TUSC3: variants seen among roughly 807,000 people sequenced by gnomAD.
TUSC3 encodes the protein dolichyl-diphosphooligosaccharide--protein glycosyltransferase subunit TUSC3.
TUSC3 carries 45 observed loss-of-function variants against 44.8 expected under a neutral mutation model. The observed-to-expected ratio is 1.00, with a 90% CI of 0.79 to 1.29. The LOEUF (loss-of-function observed/expected upper bound fraction) is 1.29, where lower values mean the gene tolerates loss of function less well. TUSC3 is among the 50% of genes most tolerant of loss of function. The pLI is 0.00. For missense variants in TUSC3, 519 were observed against 437.9 expected (o/e 1.19, Z -1.65); for synonymous variants, 212 against 152.9 (o/e 1.39, Z -2.85).
intron 2 of TUSC3, among the ~76,000 whole-genome samples, chr8:15,528,926 A>G (rs1157928119): frequency 6.6e-6 from 1 of 152,184 alleles, no homozygotes; most frequent in African/African-American, 2.4e-5. Flanking sequence ...AATTTAGACA[A>G]TAATGACCTT....
At chr8:15,472,379 A>T (rs1800505450) in intron 1 of TUSC3, among the ~76,000 whole-genome samples, 1 of 152,354 alleles carries the variant, frequency 6.6e-6, no homozygotes, top group South Asian at 2.1e-4. Flanking sequence ...AGAAAGTTAA[A>T]GTAAAATTTC....
chr8:15,556,331 A>G (rs1242927615), intron 1 of TUSC3, among the ~76,000 whole-genome samples: 1 of 150,036 alleles, frequency 6.7e-6, no homozygotes, highest in Non-Finnish European at 1.5e-5. Context: ...AAGGACATGA[A>G]CTCATCATTT....
chr8:15,626,306 G>A (rs919511775), intron 2 of TUSC3, among the ~76,000 whole-genome samples: 2 of 152,220 alleles, frequency 1.3e-5, no homozygotes, highest in Non-Finnish European at 2.9e-5. Context: ...AGTGGGGCCA[G>A]GCCAAGTCAC....
chr8:15,750,270 C>G (rs930801475), intron 9 of TUSC3, among the ~76,000 whole-genome samples: 1 of 152,008 alleles, frequency 6.6e-6, no homozygotes, highest in African/African-American at 2.4e-5. Context: ...TGAGCCACCA[C>G]GCCCAGCTGA....
chr8:15,673,784 A>T lies in TUSC3; in HGVS notation c.746A>T (p.Asn249Ile). The change falls in exon 6 of 11, where the codon AAC becomes ATC. Residue 249 changes from asparagine to isoleucine, a missense_variant. Physicochemically the swap from Asn to Ile is moderately radical, Grantham distance 149. Coordinates refer to ENST00000503731, the MANE Select transcript of TUSC3 (RefSeq NM_006765.4). Reference sequence around the variant, plus strand: ...GCTATGACTTCTGGCCAGATGTGGAACCATATCCGTGGACCTCCATATGCT... The same window carrying T: ...GCTATGACTTCTGGCCAGATGTGGATCCATATCCGTGGACCTCCATATGCT... ...VFAMTSGQMW[N>I]HIRGPPYAHK... 6.2e-7 allele frequency: 1 copy of T among 1,612,912 alleles called. No individual in the cohort carries two copies. The highest frequency in any genetic ancestry group is 8.5e-7 in the Non-Finnish European group (1 of 1,179,192).
chr8:15,775,945 G>T, the TUSC3 span, among the ~76,000 whole-genome samples: 1 of 151,704 alleles, frequency 6.6e-6, no homozygotes, highest in Non-Finnish European at 1.5e-5. Flanking sequence ...GCAGAAAAAG[G>T]AAACATTTAA....
chr8:15,442,212 C>T (rs1800029832), intron 1 of TUSC3, among the ~76,000 whole-genome samples: 2 of 151,882 alleles, frequency 1.3e-5, no homozygotes, highest in Admixed American at 1.3e-4. Context: ...TTACCTGTTG[C>T]AATTTATACT....
At chr8:15,834,124 C>T in the TUSC3 span, among the ~76,000 whole-genome samples, 1 of 152,032 alleles carries the variant, frequency 6.6e-6, no homozygotes, top group Non-Finnish European at 1.5e-5. Flanking sequence ...TTCTTTTTCA[C>T]GTTGTCTAAT....
chr8:15,643,176 C>G (rs1461962880), intron 2 of TUSC3, among the ~76,000 whole-genome samples: 1 of 152,152 alleles, frequency 6.6e-6, no homozygotes, highest in East Asian at 1.9e-4. Context: ...CTTTTGCCTT[C>G]CGCCATGATC....
At chr8:15,626,040 C>G (rs559250199) in intron 2 of TUSC3, among the ~76,000 whole-genome samples, 2 of 152,284 alleles carry the variant, frequency 1.3e-5, no homozygotes, top group Admixed American at 6.5e-5. Flanking sequence ...GCGAGGGAGG[C>G]TGGGTGGTAG....
Position 15,757,833 on chromosome 8 carries a change from A to C in TUSC3, c.*24A>C. Reference sequence around the variant, plus strand: ...GAGAAGATGTGATTTGGACCATGGCACTTAAAAACTCTATAACCTCAGGCA... The same window carrying C: ...GAGAAGATGTGATTTGGACCATGGCCCTTAAAAACTCTATAACCTCAGGCA... On this transcript the variant is annotated 3_prime_UTR_variant, in exon 10 of 11. Transcript: ENST00000503731. 4.3e-6 allele frequency: 6 copies of C among 1,379,804 alleles called. No individual in the cohort carries two copies. The highest frequency in any genetic ancestry group is 5.2e-6 in the Non-Finnish European group (5 of 966,530). 85.5% of individuals were successfully genotyped at this position (1,379,804 alleles called of 1,614,324 possible).
At chr8:15,444,857 G>A (rs1364316017) in intron 1 of TUSC3, among the ~76,000 whole-genome samples, 1 of 152,156 alleles carries the variant, frequency 6.6e-6, no homozygotes, top group Non-Finnish European at 1.5e-5. Context: ...CTTTCCATTT[G>A]TTGGTTTTCT....
chr8:15,553,975 A>C (rs1017439868), intron 1 of TUSC3, among the ~76,000 whole-genome samples: 11 of 151,656 alleles, frequency 7.3e-5, no homozygotes, highest in African/African-American at 2.7e-4. Context: ...TCAGATGGGC[A>C]GCATATACAC....
chr8:15,656,996 G>A lies in TUSC3; in HGVS notation c.427-2511G>A, dbSNP rs574904103. On this transcript the variant is annotated intron_variant, in intron 3 of 10. Coordinates refer to ENST00000503731, the MANE Select transcript of TUSC3 (RefSeq NM_006765.4). ...CTGAGGAGCACTACAGCAGTATGCAGGGAGTGGACACCCCAAGTGGCTCTG... is the reference window on the plus strand; with the variant it reads ...CTGAGGAGCACTACAGCAGTATGCAAGGAGTGGACACCCCAAGTGGCTCTG... 2.0e-5 allele frequency among the ~76,000 whole-genome samples: 3 copies of A among 152,296 alleles called. No individual in the cohort carries two copies. In the South Asian group the frequency reaches 6.2e-4, roughly 32 times the overall value.
chr8:15,593,077 G>A (rs770295763), intron 1 of TUSC3, among the ~76,000 whole-genome samples: 3 of 152,142 alleles, frequency 2.0e-5, no homozygotes, highest in Non-Finnish European at 4.4e-5. Context: ...ATATATTAAT[G>A]TGCTTTTTAA....
At chr8:15,655,303 G>A (rs754595443) in intron 3 of TUSC3, among the ~76,000 whole-genome samples, 1 of 152,058 alleles carries the variant, frequency 6.6e-6, no homozygotes, top group African/African-American at 2.4e-5. Flanking sequence ...ACAAAATGGC[G>A]GTGTTTAACT....
At chr8:15,751,923 CTTAGGGAACT>C (rs1811721819) in intron 9 of TUSC3, among the ~76,000 whole-genome samples, 1 of 152,078 alleles carries the variant, frequency 6.6e-6, no homozygotes, top group Admixed American at 6.5e-5. Flanking sequence ...ATGAGCCTGT[CTTAGGGAACT>C]AAGTGATAAA....
intron 8 of TUSC3, 97 bp from the exon 9 acceptor site, chr8:15,748,278 G>A (rs1020109876): frequency 6.5e-6 from 6 of 918,948 alleles, no homozygotes; most frequent in African/African-American, 1.6e-5. Context: ...ACTGTTAAAT[G>A]TAAGTATACT....
chr8:15,807,064 G>T, the TUSC3 span: 3 of 1,401,862 alleles, frequency 2.1e-6, no homozygotes, highest in Non-Finnish European at 3.0e-6. Flanking sequence ...TCTAACAAAT[G>T]CTCACAGCAG....
Sources: allele counts gnomAD v4.1 joint callset (sites outside exome capture counted in the v4.1 genomes callset), GRCh38; gene constraint gnomAD v4.1.1; transcripts MANE v1.5; gene names NCBI Gene and HGNC (gene_info 2026-07-23, HGNC 2026-07-21).